The following SV2C variants were observed in gnomAD, a reference collection of about 807,000 sequenced individuals.
SV2C encodes the protein synaptic vesicle glycoprotein 2C.
Under a neutral mutation model 79.7 loss-of-function variants are expected in SV2C, and 49 were observed. The observed-to-expected ratio is 0.61, with a 90% CI of 0.49 to 0.78. SV2C has a LOEUF of 0.78. Among genes scored for constraint, SV2C ranks in the 30% least tolerant of loss-of-function variants. SV2C has a pLI of 0.00. For synonymous variants in SV2C, 334 were observed against 333.2 expected (o/e 1.00, Z -0.03); for missense variants, 833 against 912.9 (o/e 0.91, Z 1.13).
the SV2C span, among the ~76,000 whole-genome samples, chr5:75,973,929 T>G: frequency 6.6e-6 from 1 of 152,128 alleles, no homozygotes. Flanking sequence ...TGCACTATTT[T>G]TTAGAGAGAA....
At chr5:76,083,875 G>GT (rs990733415) in intron 1 of SV2C, 23 of 152,370 alleles carry the variant, frequency 1.5e-4, no homozygotes, top group Admixed American at 1.3e-3. Context: ...TGCTTGTGTG[G>GT]TTTGACCGGC....
rs145264565 is a variant in SV2C, at chr5:76,086,829, C to T, written c.-102+3317C>T. Among the ~76,000 whole-genome samples the T allele has an allele frequency of 4.6e-5, 7 of 152,288 alleles. No homozygotes were observed. In the East Asian group the frequency reaches 1.3e-3, roughly 29 times the overall value. Reference sequence around the variant, plus strand: ...ATTTTAATTCTTGCTAGAAATATGTCTTAATGGGATACTAAAACACAATTT... The same window carrying T: ...ATTTTAATTCTTGCTAGAAATATGTTTTAATGGGATACTAAAACACAATTT... On this transcript the variant is annotated intron_variant, in intron 1 of 12. Coordinates refer to ENST00000502798, the MANE Select transcript of SV2C (RefSeq NM_014979.4).
intron 9 of SV2C, among the ~76,000 whole-genome samples, chr5:76,298,075 T>G (rs1747838728): frequency 6.6e-6 from 1 of 152,190 alleles, no homozygotes; most frequent in Non-Finnish European, 1.5e-5. Context: ...CCACGTAGAA[T>G]TCCCCCTTAT....
chr5:75,933,677 G>A, the SV2C span, among the ~76,000 whole-genome samples: 2 of 152,222 alleles, frequency 1.3e-5, no homozygotes, highest in African/African-American at 2.4e-5. Flanking sequence ...TCTGCATGCA[G>A]CAGGAACCAT....
the SV2C span, among the ~76,000 whole-genome samples, chr5:75,848,042 C>A: frequency 3.8e-4 from 58 of 152,282 alleles, no homozygotes; most frequent in East Asian, 1.9e-4. Context: ...CAACTTTTCC[C>A]ATGGATCTGG....
chr5:75,888,931 T>G, the SV2C span, among the ~76,000 whole-genome samples: 2 of 152,054 alleles, frequency 1.3e-5, no homozygotes, highest in Non-Finnish European at 2.9e-5. Flanking sequence ...AGGCCAGAAG[T>G]CTGAGATCAG....
chr5:75,854,449 T>C, the SV2C span, among the ~76,000 whole-genome samples: 1 of 152,176 alleles, frequency 6.6e-6, no homozygotes, highest in African/African-American at 2.4e-5. Flanking sequence ...AACTATTTCA[T>C]TGTGTATTTC....
chr5:76,231,384 A>T (rs1745412828), intron 4 of SV2C, among the ~76,000 whole-genome samples: 1 of 152,178 alleles, frequency 6.6e-6, no homozygotes, highest in Non-Finnish European at 1.5e-5. Flanking sequence ...TTATGAAAAG[A>T]TCCAGGAGTT....
At chr5:76,217,673 G>T (rs1282409868) in intron 4 of SV2C, among the ~76,000 whole-genome samples, 1 of 151,674 alleles carries the variant, frequency 6.6e-6, no homozygotes, top group East Asian at 1.9e-4. Flanking sequence ...GCCCAAATGT[G>T]AGCTACATGA....
the SV2C span, among the ~76,000 whole-genome samples, chr5:75,937,613 G>A: frequency 7.9e-5 from 12 of 152,168 alleles, no homozygotes; most frequent in African/African-American, 2.4e-4. Flanking sequence ...GAAGGCAGAA[G>A]TGGGAGGATT....
At chr5:76,031,960 T>A in the SV2C span, among the ~76,000 whole-genome samples, 1 of 152,164 alleles carries the variant, frequency 6.6e-6, no homozygotes, top group Non-Finnish European at 1.5e-5. Context: ...TAGCCCAGCC[T>A]GAGTAAGATG....
At chr5:76,280,673 C>T (rs1049732465) in intron 4 of SV2C, among the ~76,000 whole-genome samples, 2 of 152,160 alleles carry the variant, frequency 1.3e-5, no homozygotes, top group African/African-American at 4.8e-5. Flanking sequence ...TCCGAGGTGG[C>T]CTGGCTGCTT....
chr5:76,302,955 C>T (rs1241651805), intron 12 of SV2C, among the ~76,000 whole-genome samples: 1 of 152,146 alleles, frequency 6.6e-6, no homozygotes, highest in East Asian at 1.9e-4. Context: ...TGAGTGCTTC[C>T]TCTGGGCTCA....
Position 76,261,388 on chromosome 5 carries a change from A to T in SV2C, c.914-23774A>T, listed in dbSNP as rs550654859. 3.3e-5 allele frequency among the ~76,000 whole-genome samples: 5 copies of T among 152,334 alleles called. No individual in the cohort carries two copies. In the South Asian group the frequency reaches 1.0e-3, roughly 32 times the overall value. On this transcript the variant is annotated intron_variant, in intron 4 of 12. Transcript: ENST00000502798. ...AAATATACAAACATGTCATCTGCAA[A>T]CAGAGACAATTTGACTTTCTCTATT... is the stretch of plus-strand genomic sequence containing the variant.
At chr5:76,052,026 C>G in the SV2C span, among the ~76,000 whole-genome samples, 1 of 152,038 alleles carries the variant, frequency 6.6e-6, no homozygotes, top group African/African-American at 2.4e-5. Flanking sequence ...GCATGTGGAG[C>G]CTGCATGTTA....
intron 2 of SV2C, among the ~76,000 whole-genome samples, chr5:76,133,209 G>A (rs969107570): frequency 6.6e-6 from 1 of 152,166 alleles, no homozygotes; most frequent in African/African-American, 2.4e-5. Flanking sequence ...AAAATCAGGA[G>A]GATTTCCAAA....
chr5:76,321,602 A>C (rs1748831800), intron 12 of SV2C, among the ~76,000 whole-genome samples: 1 of 152,034 alleles, frequency 6.6e-6, no homozygotes, highest in Non-Finnish European at 1.5e-5. Context: ...TTAGCTGGGC[A>C]TGGTGGTGCA....
the SV2C span, among the ~76,000 whole-genome samples, chr5:75,979,257 G>A: frequency 6.6e-6 from 1 of 151,928 alleles, no homozygotes; most frequent in Non-Finnish European, 1.5e-5. Context: ...CCTTAAAGAG[G>A]GTTAGACTTC....
the SV2C span, among the ~76,000 whole-genome samples, chr5:75,905,082 G>T: frequency 1.3e-5 from 2 of 152,158 alleles, no homozygotes; most frequent in Non-Finnish European, 1.5e-5. Flanking sequence ...CTTCAGTTTA[G>T]ATTTTAGTCC....
Sources: gnomAD v4.1 joint callset for allele counts (sites outside exome capture counted in the v4.1 genomes callset) on GRCh38, gnomAD v4.1.1 for gene constraint, MANE v1.5 for transcripts, NCBI Gene and HGNC (gene_info 2026-07-23, HGNC 2026-07-21) for gene names.